Variants in VMA21 observed in about 807,000 individuals in gnomAD.
VMA21 encodes vacuolar ATPase assembly integral membrane protein VMA21.
For missense variants in VMA21, 61 were observed against 80.6 expected (o/e 0.76, Z 0.93); for synonymous variants, 47 against 34.1 (o/e 1.38, Z -1.32).
Position 151,406,147 on chromosome X carries a change from T to C in VMA21, c.*1089T>C, listed in dbSNP as rs891873643. 2 of 111,460 alleles carry C rather than the reference T, an allele frequency of 1.8e-5. No homozygotes were observed. The highest frequency in any genetic ancestry group is 6.5e-5 in the African/African-American group (2 of 30,673). The allele number at this position is 111,460 out of a possible 1,213,427, so 9.2% of individuals were successfully genotyped here. On this transcript the variant is annotated 3_prime_UTR_variant, in exon 3 of 3. Transcript: ENST00000330374. ...CTTTGTAGAAAACTGGAAAAATACA[T>C]ATTCAAACAGGAAAAAAAATCAAAA...
chrX:151,398,607 T>A (rs917730069), intron 1 of VMA21, among the ~76,000 whole-genome samples: 5 of 111,819 alleles, frequency 4.5e-5, no homozygotes, highest in African/African-American at 1.3e-4. Flanking sequence ...GGTTTTTTTT[T>A]AATTATTCAT....
At position 151,409,077 on chromosome X, in the gene VMA21, G is replaced by A. The variant is rs756709051; in HGVS notation, c.*4019G>A. 7 of 112,426 alleles carry A rather than the reference G, an allele frequency of 6.2e-5. No homozygotes were observed. Among genetic ancestry groups the A allele is most frequent in the Non-Finnish European group, 9.4e-5 (5 of 53,258 alleles). The allele number at this position is 112,426 out of a possible 1,213,427, so 9.3% of individuals were successfully genotyped here. On this transcript the variant is annotated 3_prime_UTR_variant, in exon 3 of 3. Transcript: ENST00000330374. ...AACCTGTTACGAGATGTCTCTTGAC[G>A]TCGATGCTAAAAGTGTTAGAATCTT...
chrX:151,397,422 A>C, intron 1 of VMA21, 61 bp downstream of exon 1: 2 of 1,117,836 alleles, frequency 1.8e-6, no homozygotes, highest in Admixed American at 2.6e-5. Context: ...GCAGGGCTTG[A>C]GGGAAGGCCC....
chrX:151,404,371 G>A (rs111552904), intron 2 of VMA21, among the ~76,000 whole-genome samples: 6,914 of 111,615 alleles, frequency 0.062, 162 homozygotes, highest in Middle Eastern at 0.14. Flanking sequence ...CACCGCACCC[G>A]GCCTGAAGTC....
At chrX:151,396,815 C>A (rs2011192186), upstream of VMA21, 2 of 509,796 alleles carry the variant, frequency 3.9e-6, no homozygotes, top group East Asian at 7.3e-5. Context: ...AGCCCTCTGG[C>A]TGGTAGTCCC....
intron 1 of VMA21, 94 bp downstream of exon 1, chrX:151,397,455 G>T (rs961742333): frequency 4.9e-6 from 5 of 1,010,920 alleles, no homozygotes. Flanking sequence ...TGGGCGTGAG[G>T]TCTGGACCCC....
intron 1 of VMA21, among the ~76,000 whole-genome samples, chrX:151,398,338 T>C (rs1273696582): frequency 9.1e-6 from 1 of 110,035 alleles, no homozygotes; most frequent in Non-Finnish European, 1.9e-5. Context: ...TCTGATTCTC[T>C]CCCTCCTCCC....
At chrX:151,396,927 C>T (rs1488676429), upstream of VMA21, 2 of 522,144 alleles carry the variant, frequency 3.8e-6, no homozygotes, top group African/African-American at 2.3e-5. Flanking sequence ...GCGGCGTAGC[C>T]GCCGCCCGCC....
Position 151,408,825 on chromosome X carries a change from A to G in VMA21, c.*3767A>G, listed in dbSNP as rs915012919. The G allele has an allele frequency of 2.2e-4, 25 of 112,568 alleles. No homozygotes were observed. The highest frequency in any genetic ancestry group is 1.0e-3 in the Admixed American group (11 of 10,601). The allele number at this position is 112,568 out of a possible 1,213,427, so 9.3% of individuals were successfully genotyped here. A position where few individuals can be genotyped will look rare whatever the true frequency, so the allele number is the denominator to read the frequency against. ...ATTCCTCGACATCACTCCTGGCCAC[A>G]CTTTCCTTGCCTGTGTTGTTGCTAT... On this transcript the variant is annotated 3_prime_UTR_variant, in exon 3 of 3. Coordinates refer to ENST00000330374, the MANE Select transcript of VMA21 (RefSeq NM_001017980.4).
chrX:151,397,584 G>A (rs2011204028), intron 1 of VMA21, among the ~76,000 whole-genome samples: 1 of 112,418 alleles, frequency 8.9e-6, no homozygotes, highest in South Asian at 3.7e-4. Flanking sequence ...GAATAGGTCA[G>A]TGGGCCTTCA....
In VMA21 at chrX:151,404,354, C is replaced by T. The variant is rs774368915; in HGVS notation, c.164-562C>T. ...CCTCCCAGAGTGCTGGGATTACAAG[C>T]GTGAGCCACCGCACCCGGCCTGAAG... On this transcript the variant is annotated intron_variant, in intron 2 of 2. Coordinates refer to ENST00000330374, the MANE Select transcript of VMA21 (RefSeq NM_001017980.4). Among the ~76,000 whole-genome samples the T allele has an allele frequency of 9.8e-5, 11 of 112,445 alleles. No homozygotes were observed. In the South Asian group the frequency reaches 1.5e-3, roughly 15 times the overall value.
rs1340798938 is a variant in VMA21, at chrX:151,405,395, A to G, written c.*337A>G. 1 of 167,402 alleles carries G rather than the reference A, an allele frequency of 6.0e-6. No individual in the cohort carries two copies. Among genetic ancestry groups the G allele is most frequent in the Non-Finnish European group, 1.1e-5 (1 of 89,991 alleles). 13.8% of individuals were successfully genotyped at this position (167,402 alleles called of 1,213,427 possible). A position where few individuals can be genotyped will look rare whatever the true frequency, so the allele number is the denominator to read the frequency against. ...TTGCTTTTGAGTTTTACTCATTTGG[A>G]TATATTAAGATGCACACAGTGAAGC... On this transcript the variant is annotated 3_prime_UTR_variant, in exon 3 of 3. Coordinates refer to ENST00000330374, the MANE Select transcript of VMA21 (RefSeq NM_001017980.4).
chrX:151,397,752 A>G (rs1392072023), intron 1 of VMA21, among the ~76,000 whole-genome samples: 3 of 112,123 alleles, frequency 2.7e-5, no homozygotes, highest in African/African-American at 9.7e-5. Context: ...TGTTTGCTGT[A>G]TGAATGAAGG....
At chrX:151,404,766 ATACTT>A in intron 2 of VMA21, 145 bp from the exon 3 acceptor site, 1 of 632,617 alleles carries the variant, frequency 1.6e-6, no homozygotes, top group Non-Finnish European at 2.4e-6. Context: ...CTTTTAGTGA[ATACTT>A]TATTCATTAC....
At chrX:151,397,030 C>T (rs1313694591), upstream of VMA21, 1 of 505,203 alleles carries the variant, frequency 2.0e-6, no homozygotes, top group Admixed American at 2.7e-5. Flanking sequence ...CCCCTCCTGG[C>T]AGGGCGCACG....
intron 2 of VMA21, 90 bp from the exon 3 acceptor site, chrX:151,404,826 A>T: frequency 9.4e-7 from 1 of 1,060,127 alleles, no homozygotes. Context: ...TTAAATAAAT[A>T]CATCATAAAA....
chrX:151,397,762 G>A (rs112514955), intron 1 of VMA21, among the ~76,000 whole-genome samples: 1,876 of 112,097 alleles, frequency 0.017, 36 homozygotes, highest in African/African-American at 0.058. Flanking sequence ...ATGAATGAAG[G>A]AGTAGAAGGG....
intron 1 of VMA21, among the ~76,000 whole-genome samples, chrX:151,403,388 C>T (rs149666888): frequency 0.013 from 1,443 of 112,628 alleles, 16 homozygotes; most frequent in African/African-American, 0.044. Context: ...GGTGCCCTGA[C>T]GCTTCGTCTT....
Position 151,406,703 on chromosome X carries a change from G to A in VMA21, c.*1645G>A, listed in dbSNP as rs754127957. On this transcript the variant is annotated 3_prime_UTR_variant, in exon 3 of 3. Coordinates refer to ENST00000330374, the MANE Select transcript of VMA21 (RefSeq NM_001017980.4). ...GCCTTATTGACCATTTTCTAAATAA[G>A]CACATTCTATCTTTATTCTCTTAAA... The A allele has an allele frequency of 1.8e-5, 2 of 111,966 alleles. No homozygotes were observed. The highest frequency in any genetic ancestry group is 3.8e-5 in the Non-Finnish European group (2 of 53,197). 9.2% of individuals were successfully genotyped at this position (111,966 alleles called of 1,213,427 possible). A position where few individuals can be genotyped will look rare whatever the true frequency, so the allele number is the denominator to read the frequency against.
Sources: allele counts gnomAD v4.1 joint callset (sites outside exome capture counted in the v4.1 genomes callset), GRCh38; gene constraint gnomAD v4.1.1; transcripts MANE v1.5; gene names NCBI Gene and HGNC (gene_info 2026-07-23, HGNC 2026-07-21).